Variants in COL23A1 observed in about 807,000 individuals in gnomAD.
COL23A1 encodes collagen type XXIII alpha 1 chain, also known as collagen alpha-1(XXIII) chain.
A neutral mutation model predicts 99.3 loss-of-function variants in COL23A1; 97 were observed. The ratio of observed to expected loss-of-function variants is 0.98; its 90% CI spans 0.83 to 1.16. The LOEUF is 1.16. COL23A1 is among the 50% of genes most tolerant of loss of function. The pLI, the probability that COL23A1 is intolerant of heterozygous loss-of-function variation, is 0.00. For synonymous variants in COL23A1, 320 were observed against 308.2 expected (o/e 1.04, Z -0.40); for missense variants, 762 against 757.4 (o/e 1.01, Z -0.07).
At chr5:178,324,414 T>A (rs920458453) in intron 2 of COL23A1, among the ~76,000 whole-genome samples, 1 of 152,150 alleles carries the variant, frequency 6.6e-6, no homozygotes, top group Non-Finnish European at 1.5e-5. Context: ...AGTCAAGTTG[T>A]GAGTTTGCAA....
rs70997609 is a variant in COL23A1, at chr5:178,523,201, T to TAGAGAGAG, written c.361+37473_361+37480dup. Among the ~76,000 whole-genome samples the TAGAGAGAG allele has an allele frequency of 4.7e-3, 363 of 77,522 alleles. 2 individuals carry two copies. Among genetic ancestry groups the TAGAGAGAG allele is most frequent in the Non-Finnish European group, 6.0e-3 (237 of 39,602 alleles). 50.9% of individuals were successfully genotyped at this position (77,522 alleles called of 152,430 possible). On this transcript the variant is annotated intron_variant, in intron 2 of 28. Coordinates refer to ENST00000390654, the MANE Select transcript of COL23A1 (RefSeq NM_173465.4). ...ATACACATATATATATATATATATA[T>TAGAGAGAG]AGAGAGAGAGAGAGAGAGAGAGAGA...
chr5:178,553,360 T>C (rs1425613790), intron 2 of COL23A1, among the ~76,000 whole-genome samples: 2 of 152,194 alleles, frequency 1.3e-5, no homozygotes, highest in East Asian at 3.9e-4. Flanking sequence ...ACATTGTGCT[T>C]TCTACGGTCC....
At chr5:178,440,427 A>G (rs948103414) in intron 2 of COL23A1, among the ~76,000 whole-genome samples, 2 of 152,208 alleles carry the variant, frequency 1.3e-5, no homozygotes, top group Non-Finnish European at 2.9e-5. Flanking sequence ...GGAAGTCTGC[A>G]CCACCGCTAG....
intron 2 of COL23A1, among the ~76,000 whole-genome samples, chr5:178,498,372 G>A (rs928857413): frequency 2.0e-5 from 3 of 150,342 alleles, no homozygotes; most frequent in Non-Finnish European, 4.4e-5. Context: ...CTAGAAGCCA[G>A]CAAATGGTAG....
rs918398989 is a variant in COL23A1, at chr5:178,262,382, A to T, written c.640-130T>A. On this transcript the variant is annotated intron_variant, in intron 9 of 28. Transcript: ENST00000390654. ...TATCTCATTCTCGCCAAACCTGAAG[A>T]GCGAGTATCACTGTCCCCACTCCAC... The T allele has an allele frequency of 6.9e-5, 57 of 823,334 alleles. No homozygotes were observed. In the East Asian group the frequency reaches 1.5e-3, roughly 21 times the overall value. 51.0% of individuals were successfully genotyped at this position (823,334 alleles called of 1,614,324 possible).
intron 2 of COL23A1, among the ~76,000 whole-genome samples, chr5:178,547,771 C>A (rs1761743766): frequency 6.0e-5 from 1 of 16,628 alleles, no homozygotes; most frequent in South Asian, 3.8e-3. Context: ...ACCCACATAC[C>A]CACCCCCCAC....
chr5:178,547,012 G>A (rs1761619474), intron 2 of COL23A1, among the ~76,000 whole-genome samples: 1 of 152,174 alleles, frequency 6.6e-6, no homozygotes, highest in African/African-American at 2.4e-5. Context: ...AGCTTGGGGG[G>A]CATCCTTCTG....
chr5:178,301,038 C>CTT, intron 3 of COL23A1, among the ~76,000 whole-genome samples: 1 of 151,828 alleles, frequency 6.6e-6, no homozygotes, highest in Middle Eastern at 3.4e-3. Flanking sequence ...TTCTTTCTCT[C>CTT]CTCTGCTTCT....
At chr5:178,570,704 C>T (rs1221300402) in intron 1 of COL23A1, among the ~76,000 whole-genome samples, 1 of 152,166 alleles carries the variant, frequency 6.6e-6, no homozygotes, top group African/African-American at 2.4e-5. Context: ...TTGAGACAGG[C>T]AACAACTGCT....
intron 2 of COL23A1, among the ~76,000 whole-genome samples, chr5:178,399,278 G>A (rs1208071629): frequency 6.6e-6 from 1 of 152,210 alleles, no homozygotes; most frequent in Non-Finnish European, 1.5e-5. Context: ...AGCCAGCACA[G>A]AGAAGAGAGA....
intron 2 of COL23A1, among the ~76,000 whole-genome samples, chr5:178,388,022 C>T (rs61225953): frequency 0.015 from 2,339 of 152,284 alleles, 63 homozygotes; most frequent in African/African-American, 0.054. Context: ...CACTGCTCCT[C>T]AGGGCATGTC....
At chr5:178,311,387 C>A (rs1041953948) in intron 2 of COL23A1, among the ~76,000 whole-genome samples, 1 of 152,128 alleles carries the variant, frequency 6.6e-6, no homozygotes, top group African/African-American at 2.4e-5. Flanking sequence ...GCCTGGGGTA[C>A]AAAAGGGGTG....
intron 2 of COL23A1, among the ~76,000 whole-genome samples, chr5:178,457,091 C>A (rs146156403): frequency 2.2e-4 from 33 of 152,336 alleles, no homozygotes; most frequent in African/African-American, 7.9e-4. Flanking sequence ...AGGTGTGGGC[C>A]ACGTGTCTGA....
Position 178,245,828 on chromosome 5 carries a change from TC to T in COL23A1, c.1440+113del, listed in dbSNP as rs1764662873. The T allele has an allele frequency of 2.4e-6, 3 of 1,256,500 alleles. No homozygotes were observed. In the Admixed American group the frequency reaches 5.1e-5, roughly 22 times the overall value. The allele number at this position is 1,256,500 out of a possible 1,614,324, so 77.8% of individuals were successfully genotyped here. A position where few individuals can be genotyped will look rare whatever the true frequency, so the allele number is the denominator to read the frequency against. ...CACAGGGGGAACCAGTCAGTTGCAG[TC>T]CCAGCCCTGGGGAAAGGGGTCACAC... is the stretch of plus-strand genomic sequence containing the variant. On this transcript the variant is annotated intron_variant, in intron 25 of 28. Transcript: ENST00000390654.
chr5:178,353,613 T>C (rs1761454182), intron 2 of COL23A1, among the ~76,000 whole-genome samples: 1 of 152,196 alleles, frequency 6.6e-6, no homozygotes, highest in Non-Finnish European at 1.5e-5. Context: ...ACCTCTTCCC[T>C]GGGACGCAGC....
chr5:178,418,513 C>T (rs1262663469), intron 2 of COL23A1, among the ~76,000 whole-genome samples: 2 of 152,264 alleles, frequency 1.3e-5, no homozygotes, highest in Non-Finnish European at 2.9e-5. Context: ...ATGAGTGCCA[C>T]TTGCCCCAGC....
At chr5:178,411,861 T>C (rs895503061) in intron 2 of COL23A1, among the ~76,000 whole-genome samples, 3 of 152,240 alleles carry the variant, frequency 2.0e-5, no homozygotes, top group Non-Finnish European at 2.9e-5. Context: ...ATAGCATTGG[T>C]AGAACATTTA....
chr5:178,495,021 G>C (rs977343709), intron 2 of COL23A1, among the ~76,000 whole-genome samples: 1 of 152,192 alleles, frequency 6.6e-6, no homozygotes, highest in Non-Finnish European at 1.5e-5. Flanking sequence ...TGTGGGTCTC[G>C]CAAAGCTGGG....
At chr5:178,491,573 A>T (rs1270465218) in intron 2 of COL23A1, among the ~76,000 whole-genome samples, 2 of 152,042 alleles carry the variant, frequency 1.3e-5, no homozygotes, top group Non-Finnish European at 2.9e-5. Context: ...TGAAAACTGA[A>T]ATGTGGGTGG....
Sources: gnomAD v4.1 joint callset for allele counts (sites outside exome capture counted in the v4.1 genomes callset) on GRCh38, gnomAD v4.1.1 for gene constraint, MANE v1.5 for transcripts, NCBI Gene and HGNC (gene_info 2026-07-23, HGNC 2026-07-21) for gene names.